REL: variants seen among roughly 807,000 people sequenced by gnomAD.
REL encodes the protein REL proto-oncogene, NF-kB subunit, also known as proto-oncogene c-Rel.
In REL, 15 loss-of-function variants were observed where a neutral mutation model predicts 45.9. The observed-to-expected ratio is 0.33, with a 90% CI of 0.22 to 0.50. REL has a LOEUF of 0.50. Ranked by LOEUF, REL falls within the 20% of genes least tolerant of loss-of-function variation. REL has a pLI of 0.98. For missense variants in REL, 601 were observed against 715.2 expected, an observed-to-expected ratio of 0.84 and a Z score of 1.82; for synonymous variants, 239 against 242.1, an observed-to-expected ratio of 0.99 and a Z score of 0.12.
chr2:60,908,900 C>G (rs1365914567), intron 4 of REL, among the ~76,000 whole-genome samples: 4 of 152,138 alleles, frequency 2.6e-5, no homozygotes, highest in African/African-American at 9.7e-5. Context: ...AATAAGTAGT[C>G]TAACATAGAT....
chr2:60,898,208 G>A (rs895270007), intron 3 of REL, among the ~76,000 whole-genome samples: 3 of 152,054 alleles, frequency 2.0e-5, no homozygotes, highest in South Asian at 2.1e-4. Flanking sequence ...ATCTTTCCTC[G>A]CTTTAGCCAG....
chr2:60,931,473 A>C lies in REL; in HGVS notation c.*8938A>C, dbSNP rs1674380789. Reference sequence around the variant, plus strand: ...GTTCTCAGGTACTGTTCAATTATTTAATGTTAAGTTTAGTATCAAGATACA... The same window carrying C: ...GTTCTCAGGTACTGTTCAATTATTTCATGTTAAGTTTAGTATCAAGATACA... On this transcript the variant is annotated 3_prime_UTR_variant, in exon 10 of 10. Coordinates refer to ENST00000394479, the MANE Select transcript of REL (RefSeq NM_001291746.2). The C allele has an allele frequency of 6.6e-6, 1 of 152,312 alleles. No homozygotes were observed. The highest frequency in any genetic ancestry group is 2.4e-5 in the African/African-American group (1 of 41,448). 9.4% of individuals were successfully genotyped at this position (152,312 alleles called of 1,614,324 possible).
rs1362099304 is a variant in REL at position 60,923,154 on chromosome 2, T to C, written c.*619T>C. ...GATAAAACTTGTAATGGCTATGCCA[T>C]TGAAAAACTTAATTTTTTATTTTTG... On this transcript the variant is annotated 3_prime_UTR_variant, in exon 10 of 10. Coordinates refer to ENST00000394479, the MANE Select transcript of REL (RefSeq NM_001291746.2). 2 of 194,706 alleles carry C rather than the reference T, an allele frequency of 1.0e-5. No homozygotes were observed. The highest frequency in any genetic ancestry group is 1.1e-5 in the Non-Finnish European group (1 of 93,434). The allele number at this position is 194,706 out of a possible 1,614,324, so 12.1% of individuals were successfully genotyped here. A position where few individuals can be genotyped will look rare whatever the true frequency, so the allele number is the denominator to read the frequency against.
intron 4 of REL, among the ~76,000 whole-genome samples, chr2:60,906,085 A>G (rs1192066891): frequency 6.6e-6 from 1 of 152,156 alleles, no homozygotes; most frequent in Non-Finnish European, 1.5e-5. Flanking sequence ...AAATGAGGAA[A>G]ATGCAAAAGC....
In REL at chr2:60,918,395, T is replaced by C; in HGVS notation, c.642T>C (p.Asp214=). 4.3e-6 allele frequency: 7 copies of C among 1,612,918 alleles called. No homozygotes were observed. Among genetic ancestry groups the C allele is most frequent in the Non-Finnish European group, 5.9e-6 (7 of 1,179,250 alleles). The stretch of plus-strand genomic sequence containing the variant: ...TTTTTTTGGTTTCTTATTGACTAGA[T>C]GACATAGAAGTTCGTTTTGTGTTGA... ...IFLLCDKVQK[D]DIEVRFVLND... Residue 214 remains aspartate (D), a splice_region_variant and synonymous_variant, in exon 7 of 10, where the codon GAT becomes GAC. Coordinates refer to ENST00000394479, the MANE Select transcript of REL (RefSeq NM_001291746.2).
chr2:60,884,255 AGGTATATGTAGTT>A (rs764264034), intron 1 of REL, among the ~76,000 whole-genome samples: 1 of 152,078 alleles, frequency 6.6e-6, no homozygotes, highest in Non-Finnish European at 1.5e-5. Flanking sequence ...ATATGTAAAT[AGGTATATGTAGTT>A]GAATATGTGA....
intron 4 of REL, among the ~76,000 whole-genome samples, chr2:60,908,176 A>G (rs1026962245): frequency 6.6e-6 from 1 of 152,122 alleles, no homozygotes; most frequent in Non-Finnish European, 1.5e-5. Flanking sequence ...TTTTCTTAAA[A>G]TATTAATTTC....
In REL at chr2:60,930,999, C is replaced by G. The variant is rs1674372437; in HGVS notation, c.*8464C>G. ...ATTTTTGGTAAAAGTATCAAACATT[C>G]ATCTTGCCCATTTTTCCTCTTAAAC... On this transcript the variant is annotated 3_prime_UTR_variant, in exon 10 of 10. Coordinates refer to ENST00000394479, the MANE Select transcript of REL (RefSeq NM_001291746.2). 6.6e-6 allele frequency: 1 copy of G among 152,308 alleles called. No homozygotes were observed. The highest frequency in any genetic ancestry group is 1.5e-5 in the Non-Finnish European group (1 of 68,010). The allele number at this position is 152,308 out of a possible 1,614,324, so 9.4% of individuals were successfully genotyped here.
intron 1 of REL, among the ~76,000 whole-genome samples, chr2:60,889,075 C>T (rs991015764): frequency 6.6e-6 from 1 of 152,118 alleles, no homozygotes; most frequent in African/African-American, 2.4e-5. Flanking sequence ...AAATGAAATC[C>T]ACATTGCCAA....
intron 5 of REL, among the ~76,000 whole-genome samples, chr2:60,917,679 A>T (rs907972131): frequency 8.6e-6 from 1 of 116,482 alleles, no homozygotes. Flanking sequence ...CCCCCAAAAT[A>T]CTGTGTGTGT....
chr2:60,910,737 C>T (rs1228813344), intron 4 of REL, among the ~76,000 whole-genome samples: 1 of 151,828 alleles, frequency 6.6e-6, no homozygotes, highest in Non-Finnish European at 1.5e-5. Flanking sequence ...TTCCAGACCA[C>T]CTTGGCCAAC....
Position 60,894,403 on chromosome 2 carries a change from A to G in REL, c.160A>G (p.Asn54Asp). ...AATTTCCCCCTTTTTTCAGATTATG[A>G]ACTATTATGGAAAAGGAAAAGTGAG... ...NRTYPSIQIM[N>D]YYGKGKVRIT... The change falls in exon 3 of 10, where the codon AAC becomes GAC. Residue 54 changes from asparagine to aspartate, a missense_variant. By Grantham distance (23) the Asn-to-Asp change is conservative. Coordinates refer to ENST00000394479, the MANE Select transcript of REL (RefSeq NM_001291746.2). The G allele has an allele frequency of 6.6e-7, 1 of 1,521,164 alleles. No individual in the cohort carries two copies. Among genetic ancestry groups the G allele is most frequent in the Non-Finnish European group, 8.9e-7 (1 of 1,120,008 alleles). 94.2% of individuals were successfully genotyped at this position (1,521,164 alleles called of 1,614,324 possible). A position where few individuals can be genotyped will look rare whatever the true frequency, so the allele number is the denominator to read the frequency against.
rs557684160 is a variant in REL, at chr2:60,927,704, G to A, written c.*5169G>A. The A allele has an allele frequency of 1.4e-4, 32 of 229,210 alleles. No homozygotes were observed. Among genetic ancestry groups the A allele is most frequent in the Non-Finnish European group, 2.7e-4 (31 of 115,534 alleles). The allele number at this position is 229,210 out of a possible 1,614,324, so 14.2% of individuals were successfully genotyped here. The stretch of plus-strand genomic sequence containing the variant: ...GACAAAAACTCTTGCTCTCAAAGAT[G>A]TCAGTCTTTTTCTTTGCAAGGATAA... On this transcript the variant is annotated 3_prime_UTR_variant, in exon 10 of 10. Transcript: ENST00000394479.
chr2:60,917,871 A>G (rs1375829035), intron 5 of REL, among the ~76,000 whole-genome samples: 1 of 152,070 alleles, frequency 6.6e-6, no homozygotes, highest in Non-Finnish European at 1.5e-5. Flanking sequence ...GGAAAATTGT[A>G]TTGCCATGGG....
At chr2:60,920,393 G>A (rs761892850) in intron 8 of REL, 181 bp from the exon 9 acceptor site, 1 of 652,836 alleles carries the variant, frequency 1.5e-6, no homozygotes, top group South Asian at 1.7e-5. Flanking sequence ...TAGAAACAGG[G>A]TTTCGCCATG....
At chr2:60,890,597 T>G (rs1182447609) in intron 1 of REL, among the ~76,000 whole-genome samples, 3 of 152,190 alleles carry the variant, frequency 2.0e-5, no homozygotes, top group Admixed American at 6.5e-5. Context: ...TACTTGCAAG[T>G]ACAGTTGAGT....
intron 4 of REL, among the ~76,000 whole-genome samples, chr2:60,909,301 T>C (rs1356795266): frequency 6.6e-6 from 1 of 152,230 alleles, no homozygotes; most frequent in Non-Finnish European, 1.5e-5. Flanking sequence ...AGTATACTTC[T>C]AGCACCTTTA....
chr2:60,921,438 A>G (rs888365999), intron 9 of REL, among the ~76,000 whole-genome samples: 3 of 152,134 alleles, frequency 2.0e-5, no homozygotes, highest in African/African-American at 4.8e-5. Context: ...TAATTCTAAT[A>G]TTTATCTTTT....
chr2:60,911,994 CAAAA>C (rs763342298), intron 4 of REL, among the ~76,000 whole-genome samples: 30 of 37,324 alleles, frequency 8.0e-4, no homozygotes, highest in African/African-American at 2.4e-3. Flanking sequence ...AAGACTGTCT[CAAAA>C]AAAAAAAAAA....
Sources: gnomAD v4.1 joint callset for allele counts (sites outside exome capture counted in the v4.1 genomes callset) on GRCh38, gnomAD v4.1.1 for gene constraint, MANE v1.5 for transcripts, NCBI Gene and HGNC (gene_info 2026-07-23, HGNC 2026-07-21) for gene names.